The following TBC1D19 variants were observed in gnomAD, a reference collection of about 807,000 sequenced individuals.
The protein encoded by TBC1D19 is TBC1 domain family member 19.
In TBC1D19, 60 loss-of-function variants were observed where a neutral mutation model predicts 89.0. The observed-to-expected ratio is 0.67, with a 90% CI of 0.55 to 0.84. The LOEUF (loss-of-function observed/expected upper bound fraction) is 0.84. Ranked by LOEUF, TBC1D19 falls within the 40% of genes least tolerant of loss-of-function variation. TBC1D19 has a pLI of 0.00. For missense variants in TBC1D19, 500 were observed against 610.8 expected (o/e 0.82, Z 1.91); for synonymous variants, 189 against 199.7 (o/e 0.95, Z 0.45).
At chr4:26,819,513 TGGTCCAAGCTGCCA>T in the TBC1D19 span, among the ~76,000 whole-genome samples, 1 of 152,224 alleles carries the variant, frequency 6.6e-6, no homozygotes, top group Non-Finnish European at 1.5e-5. Flanking sequence ...ACATATACCC[TGGTCCAAGCTGCCA>T]CTGACTCTCT....
chr4:26,604,373 C>G (rs1291327125), intron 1 of TBC1D19, among the ~76,000 whole-genome samples: 1 of 150,620 alleles, frequency 6.6e-6, no homozygotes, highest in Non-Finnish European at 1.5e-5. Flanking sequence ...AGGATGGTCT[C>G]CATCTCTTGA....
chr4:26,645,817 C>T (rs1361386827), intron 7 of TBC1D19, among the ~76,000 whole-genome samples: 1 of 151,944 alleles, frequency 6.6e-6, no homozygotes, highest in African/African-American at 2.4e-5. Flanking sequence ...AAGAAAAAAA[C>T]AACCCCATCA....
At chr4:26,673,472 C>CACACACAT (rs1381207843) in intron 10 of TBC1D19, among the ~76,000 whole-genome samples, 1 of 148,824 alleles carries the variant, frequency 6.7e-6, no homozygotes, top group African/African-American at 2.5e-5. Context: ...CACACACACA[C>CACACACAT]ACAATACTAG....
intron 15 of TBC1D19, among the ~76,000 whole-genome samples, chr4:26,722,703 T>C (rs1717056053): frequency 6.6e-6 from 1 of 152,174 alleles, no homozygotes; most frequent in South Asian, 2.1e-4. Context: ...ATAGTAATAA[T>C]TGTAACAGTA....
At chr4:26,600,451 T>A (rs1355357219) in intron 1 of TBC1D19, among the ~76,000 whole-genome samples, 14 of 152,208 alleles carry the variant, frequency 9.2e-5, no homozygotes, top group African/African-American at 3.1e-4. Flanking sequence ...TTTGCTTGGT[T>A]TAAGTACATC....
At chr4:26,760,891 A>C (rs1455491190), downstream of TBC1D19, among the ~76,000 whole-genome samples, 1 of 152,072 alleles carries the variant, frequency 6.6e-6, no homozygotes, top group Non-Finnish European at 1.5e-5. Context: ...CTTTTTTTCC[A>C]AGTTAATTTT....
intron 15 of TBC1D19, among the ~76,000 whole-genome samples, chr4:26,725,982 T>G (rs995493832): frequency 1.3e-5 from 2 of 152,178 alleles, no homozygotes; most frequent in African/African-American, 2.4e-5. Context: ...CTGACTGACT[T>G]AATTACAAGT....
intron 13 of TBC1D19, among the ~76,000 whole-genome samples, chr4:26,697,956 C>G (rs902420037): frequency 2.0e-5 from 3 of 152,120 alleles, no homozygotes; most frequent in African/African-American, 4.8e-5. Context: ...TGGCACAAGA[C>G]AGGGATGCCC....
At chr4:26,766,254 A>C in the TBC1D19 span, among the ~76,000 whole-genome samples, 20 of 152,246 alleles carry the variant, frequency 1.3e-4, no homozygotes, top group African/African-American at 4.8e-4. Context: ...GTGCTCCCCA[A>C]CTCTGTCAGA....
chr4:26,605,181 C>T (rs1406338578), intron 1 of TBC1D19, among the ~76,000 whole-genome samples: 5 of 148,892 alleles, frequency 3.4e-5, no homozygotes, highest in Admixed American at 6.7e-5. Flanking sequence ...TTAGGTATAT[C>T]TCCTAATGCT....
the TBC1D19 span, among the ~76,000 whole-genome samples, chr4:26,819,136 A>T: frequency 3.9e-5 from 6 of 152,192 alleles, no homozygotes; most frequent in African/African-American, 1.4e-4. Context: ...CCAGCGACTA[A>T]CTGGTTCCTA....
chr4:26,591,682 A>C (rs529429989), intron 1 of TBC1D19, among the ~76,000 whole-genome samples: 1 of 152,340 alleles, frequency 6.6e-6, no homozygotes, highest in East Asian at 1.9e-4. Flanking sequence ...CAGAAATACA[A>C]ACTACCATCA....
intron 13 of TBC1D19, among the ~76,000 whole-genome samples, chr4:26,716,750 T>C (rs1478362436): frequency 6.6e-6 from 1 of 152,092 alleles, no homozygotes; most frequent in Non-Finnish European, 1.5e-5. Flanking sequence ...TTATTAAGAC[T>C]GATGGGATTA....
chr4:26,780,281 A>T, the TBC1D19 span, among the ~76,000 whole-genome samples: 1 of 152,204 alleles, frequency 6.6e-6, no homozygotes, highest in South Asian at 2.1e-4. Flanking sequence ...CATTTTCCTA[A>T]GCACTAGTTA....
chr4:26,780,868 A>G, the TBC1D19 span, among the ~76,000 whole-genome samples: 1 of 152,240 alleles, frequency 6.6e-6, no homozygotes, highest in South Asian at 2.1e-4. Flanking sequence ...GAAGCCTGGC[A>G]CCTCTGGAGG....
chr4:26,773,377 A>C, the TBC1D19 span, among the ~76,000 whole-genome samples: 1 of 152,172 alleles, frequency 6.6e-6, no homozygotes, highest in African/African-American at 2.4e-5. Context: ...CCTTTGTCAG[A>C]TGGATAGATT....
At chr4:26,643,445 A>G (rs1026536338) in intron 7 of TBC1D19, among the ~76,000 whole-genome samples, 1 of 152,228 alleles carries the variant, frequency 6.6e-6, no homozygotes, top group Non-Finnish European at 1.5e-5. Context: ...GGGGAAATTT[A>G]TAGCACTAAA....
chr4:26,614,976 C>A (rs1741595934), intron 3 of TBC1D19, among the ~76,000 whole-genome samples: 1 of 152,066 alleles, frequency 6.6e-6, no homozygotes, highest in Non-Finnish European at 1.5e-5. Flanking sequence ...CTGTGCCTGG[C>A]CCCACCCATT....
intron 13 of TBC1D19, among the ~76,000 whole-genome samples, chr4:26,697,989 A>G (rs1714960604): frequency 1.3e-5 from 2 of 152,178 alleles, no homozygotes; most frequent in African/African-American, 2.4e-5. Context: ...CCTATTCAAC[A>G]TAGTGTTGGA....
Sources: gnomAD v4.1 joint callset for allele counts (sites outside exome capture counted in the v4.1 genomes callset) on GRCh38, gnomAD v4.1.1 for gene constraint, MANE v1.5 for transcripts, NCBI Gene and HGNC (gene_info 2026-07-23, HGNC 2026-07-21) for gene names.